CDIN1: variants seen among roughly 807,000 people sequenced by gnomAD.
The protein encoded by CDIN1 is CDAN1-interacting nuclease 1.
Under a neutral mutation model 45.3 loss-of-function variants are expected in CDIN1, and 33 were observed. The observed-to-expected ratio is 0.73, with a 90% CI of 0.55 to 0.97. The LOEUF (loss-of-function observed/expected upper bound fraction) is 0.97, where lower values mean the gene tolerates loss of function less well. CDIN1 is among the 50% of genes least tolerant of loss of function. The probability of loss-of-function intolerance (pLI) is 0.00; values close to 1 mark genes in which losing one functional copy is unlikely to be tolerated. For synonymous variants in CDIN1, 118 were observed against 124.4 expected (o/e 0.95, Z 0.34); for missense variants, 303 against 339.4 (o/e 0.89, Z 0.84).
chr15:36,691,038 T>G, intron 5 of CDIN1: 2 of 417,404 alleles, frequency 4.8e-6, no homozygotes, highest in Non-Finnish European at 9.3e-6. Context: ...ATATTTTGGG[T>G]GGAAAACTTG....
chr15:36,699,523 C>G (rs1255066631), intron 8 of CDIN1, among the ~76,000 whole-genome samples: 1 of 150,834 alleles, frequency 6.6e-6, no homozygotes, highest in Non-Finnish European at 1.5e-5. Flanking sequence ...GAAGTAAAAT[C>G]TCTCTCTCTC....
chr15:36,581,821 T>TA (rs1329342918), intron 1 of CDIN1, among the ~76,000 whole-genome samples: 2 of 152,280 alleles, frequency 1.3e-5, no homozygotes, highest in Non-Finnish European at 2.9e-5. Context: ...AGGTGATTGT[T>TA]ACCTTGTTGC....
chr15:36,626,299 A>G (rs938239100), intron 1 of CDIN1, among the ~76,000 whole-genome samples: 1 of 151,956 alleles, frequency 6.6e-6, no homozygotes, highest in African/African-American at 2.4e-5. Context: ...AAGGATCTGT[A>G]AGAGAAGCAC....
chr15:36,675,916 G>A (rs778212599), intron 5 of CDIN1, among the ~76,000 whole-genome samples: 1 of 151,990 alleles, frequency 6.6e-6, no homozygotes, highest in Non-Finnish European at 1.5e-5. Context: ...CCTCGCCTTC[G>A]TTGCATAGGT....
chr15:36,592,418 C>T (rs1219370205), intron 1 of CDIN1, among the ~76,000 whole-genome samples: 3 of 152,230 alleles, frequency 2.0e-5, no homozygotes, highest in Admixed American at 6.5e-5. Flanking sequence ...GTTGTTAAGC[C>T]TCACACACCA....
At chr15:36,614,194 G>A (rs772544452) in intron 1 of CDIN1, 24 of 661,130 alleles carry the variant, frequency 3.6e-5, no homozygotes, top group Non-Finnish European at 6.8e-5. Flanking sequence ...ACCTGAATGA[G>A]CTGTAGAATG....
chr15:36,617,630 C>G, intron 1 of CDIN1: 1 of 771,006 alleles, frequency 1.3e-6, no homozygotes, highest in Non-Finnish European at 2.4e-6. Context: ...AGTTCTTCTC[C>G]CATGGTACAA....
intron 10 of CDIN1, among the ~76,000 whole-genome samples, chr15:36,798,016 A>C (rs919090347): frequency 7.9e-6 from 1 of 127,214 alleles, no homozygotes; most frequent in Non-Finnish European, 1.6e-5. Flanking sequence ...TATAGTAGAG[A>C]GTTATTAGCA....
chr15:36,792,861 G>T (rs1321133877), intron 10 of CDIN1, among the ~76,000 whole-genome samples: 2 of 152,116 alleles, frequency 1.3e-5, no homozygotes, highest in Non-Finnish European at 2.9e-5. Context: ...ACCTTGGTCT[G>T]CTATACCGTG....
rs1470302239 is a variant in CDIN1 at position 36,579,938 on chromosome 15, G to A, written c.78G>A (p.Arg26=). ...TGCCGCCTACCAGGCAGAGCCTGAG[G>A]AAGCTGAAGCAGAGGTTTCCCAGGT... The part of the protein sequence containing the change: ...VSVPPTRQSL[R]KLKQRFPSQS... The change falls in exon 1 of 11, where the codon AGG becomes AGA. Residue 26 remains arginine (R), a synonymous_variant. Coordinates refer to ENST00000566621, the MANE Select transcript of CDIN1 (RefSeq NM_001321759.2). The A allele has an allele frequency of 5.0e-6, 8 of 1,613,656 alleles. No individual in the cohort carries two copies. The highest frequency in any genetic ancestry group is 1.3e-5 in the African/African-American group (1 of 74,938).
intron 4 of CDIN1, 92 bp downstream of exon 4, chr15:36,654,250 A>T (rs1452237912): frequency 7.2e-6 from 7 of 968,586 alleles, no homozygotes; most frequent in Non-Finnish European, 6.1e-6. Flanking sequence ...CTACCTTTGG[A>T]AAAAAAAAGG....
At chr15:36,784,021 C>A (rs7181797) in intron 10 of CDIN1, among the ~76,000 whole-genome samples, 149,322 of 152,328 alleles carry the variant, frequency 0.98, 73,256 homozygotes, top group Middle Eastern at 1. Context: ...AGAAAATGAA[C>A]GTAAAGCAAA....
chr15:36,747,298 A>G (rs1441854501), intron 10 of CDIN1: 4 of 279,178 alleles, frequency 1.4e-5, no homozygotes, highest in Non-Finnish European at 2.0e-5. Flanking sequence ...GTCATTCCCA[A>G]GTAAATTTAT....
intron 3 of CDIN1, among the ~76,000 whole-genome samples, chr15:36,651,565 C>T (rs1358259386): frequency 6.6e-6 from 1 of 152,010 alleles, no homozygotes; most frequent in Non-Finnish European, 1.5e-5. Flanking sequence ...TTTTTCCTAC[C>T]ACTTATGAGG....
At chr15:36,610,406 G>A (rs1387620461) in intron 1 of CDIN1, among the ~76,000 whole-genome samples, 1 of 152,164 alleles carries the variant, frequency 6.6e-6, no homozygotes, top group African/African-American at 2.4e-5. Flanking sequence ...AATTATTAAT[G>A]TATGATTATC....
chr15:36,632,734 C>T (rs1350232218), intron 1 of CDIN1, among the ~76,000 whole-genome samples: 2 of 152,200 alleles, frequency 1.3e-5, no homozygotes, highest in African/African-American at 2.4e-5. Flanking sequence ...AGAGGGTTCT[C>T]TCCCCTCTGC....
chr15:36,692,262 C>G, intron 7 of CDIN1, 87 bp downstream of exon 7: 1 of 1,286,122 alleles, frequency 7.8e-7, no homozygotes, highest in Admixed American at 2.1e-5. Flanking sequence ...ACATAAAGTT[C>G]TGCTTCACAA....
intron 4 of CDIN1, 40 bp from the exon 5 acceptor site, chr15:36,657,793 C>G (rs2040840225): frequency 1.3e-6 from 2 of 1,533,768 alleles, no homozygotes; most frequent in African/African-American, 2.7e-5. Flanking sequence ...ACTGCTCGCA[C>G]AACTTGATAG....
At chr15:36,781,475 C>T (rs1007226981) in intron 10 of CDIN1, among the ~76,000 whole-genome samples, 14 of 152,138 alleles carry the variant, frequency 9.2e-5, no homozygotes, top group African/African-American at 3.1e-4. Flanking sequence ...GATTCTTTTT[C>T]CCGTGCTTTT....
Sources: allele counts gnomAD v4.1 joint callset (sites outside exome capture counted in the v4.1 genomes callset), GRCh38; gene constraint gnomAD v4.1.1; transcripts MANE v1.5; gene names NCBI Gene and HGNC (gene_info 2026-07-23, HGNC 2026-07-21).